HM13: variants seen among roughly 807,000 people sequenced by gnomAD.
The protein encoded by HM13 is signal peptide peptidase.
HM13 carries 18 observed loss-of-function variants against 50.0 expected under a neutral mutation model. The ratio of observed to expected loss-of-function variants is 0.36; its 90% confidence interval spans 0.25 to 0.53. The LOEUF (loss-of-function observed/expected upper bound fraction) is 0.53, where lower values mean the gene tolerates loss of function less well. HM13 is among the 20% of genes least tolerant of loss of function. HM13 has a pLI of 0.90. For synonymous variants in HM13, 197 were observed against 232.6 expected, an observed-to-expected ratio of 0.85 and a Z score of 1.39; for missense variants, 393 against 552.4, an observed-to-expected ratio of 0.71 and a Z score of 2.89.
rs114337223 is a variant in HM13, at chr20:31,561,535, C to T, written c.846-99C>T. 99 of 825,580 alleles carry T rather than the reference C, an allele frequency of 1.2e-4. No homozygotes were observed. In the East Asian group the frequency reaches 2.0e-3, roughly 17 times the overall value. 51.1% of individuals were successfully genotyped at this position (825,580 alleles called of 1,614,324 possible). A position where few individuals can be genotyped will look rare whatever the true frequency, so the allele number is the denominator to read the frequency against. On this transcript the variant is annotated intron_variant, in intron 9 of 12. Coordinates refer to ENST00000398174, the MANE Select transcript of HM13 (RefSeq NM_178581.3). Reference sequence around the variant, plus strand: ...CCAGCCCAGAGCTCAGTCACCCCCCCACAACCTCTAGGGTCTTCCCCAGCT... The same window carrying T: ...CCAGCCCAGAGCTCAGTCACCCCCCTACAACCTCTAGGGTCTTCCCCAGCT...
At chr20:31,523,235 G>A (rs1196289586) in intron 1 of HM13, among the ~76,000 whole-genome samples, 1 of 151,322 alleles carries the variant, frequency 6.6e-6, no homozygotes, top group Non-Finnish European at 1.5e-5. Flanking sequence ...ATTTTTAGTA[G>A]AGACGGGGTT....
At position 31,566,036 on chromosome 20, in the gene HM13, G is replaced by A. The variant is rs1413738529; in HGVS notation, c.949-174G>A. 6 of 504,636 alleles carry A rather than the reference G, an allele frequency of 1.2e-5. No individual in the cohort carries two copies. In the East Asian group the frequency reaches 1.3e-4, roughly 11 times the overall value. 31.3% of individuals were successfully genotyped at this position (504,636 alleles called of 1,614,324 possible). A position where few individuals can be genotyped will look rare whatever the true frequency, so the allele number is the denominator to read the frequency against. ...TTTCTTGCATTCCCTCTCGGGAGGAGCAACCCTTGTCTGGGAGTTAGGAGC... is the reference window on the plus strand; with the variant it reads ...TTTCTTGCATTCCCTCTCGGGAGGAACAACCCTTGTCTGGGAGTTAGGAGC... On this transcript the variant is annotated intron_variant, in intron 10 of 12. Coordinates refer to ENST00000398174, the MANE Select transcript of HM13 (RefSeq NM_178581.3).
intron 11 of HM13, 121 bp from the exon 12 acceptor site, chr20:31,567,957 G>A (rs2122676050): frequency 1.1e-6 from 1 of 879,542 alleles, no homozygotes; most frequent in East Asian, 2.9e-5. Flanking sequence ...ATCTGGAAGT[G>A]CAAAAATAGG....
intron 4 of HM13, chr20:31,547,575 C>T: frequency 2.3e-6 from 3 of 1,312,568 alleles, no homozygotes; most frequent in Middle Eastern, 2.0e-4. Flanking sequence ...TTATTAAGGG[C>T]ATTAAGAGCC....
At chr20:31,566,497 GGAGC>G (rs1568802280) in intron 11 of HM13, among the ~76,000 whole-genome samples, 1 of 152,022 alleles carries the variant, frequency 6.6e-6, no homozygotes, top group Non-Finnish European at 1.5e-5. Context: ...AGGAGCCAGG[GGAGC>G]GCAAGGCATC....
At chr20:31,566,357 G>C in intron 11 of HM13, 62 bp downstream of exon 11, 2 of 1,327,248 alleles carry the variant, frequency 1.5e-6, no homozygotes, top group Non-Finnish European at 1.1e-6. Context: ...GCAGTCAGTG[G>C]AACCTGCTGG....
At chr20:31,534,363 AGAGGACAGAAGGAAGGAAGGAGAGGG>A (rs1272430278) in intron 2 of HM13, among the ~76,000 whole-genome samples, 3 of 152,084 alleles carry the variant, frequency 2.0e-5, no homozygotes, top group Non-Finnish European at 4.4e-5. Flanking sequence ...GAGAAGGGGG[AGAGGACAGAAGGAAGGAAGGAGAGGG>A]GAGGACCCCT....
intron 7 of HM13, among the ~76,000 whole-genome samples, chr20:31,553,459 G>C (rs376873010): frequency 6.6e-6 from 1 of 152,162 alleles, no homozygotes; most frequent in African/African-American, 2.4e-5. Flanking sequence ...AAGGCATGAG[G>C]TAGCAGTTAA....
chr20:31,541,397 C>T (rs956862785), intron 3 of HM13: 1 of 151,452 alleles, frequency 6.6e-6, no homozygotes, highest in Non-Finnish European at 1.5e-5. Flanking sequence ...GGGATGATCG[C>T]GTGAACCTGG....
At chr20:31,544,025 GGCAAA>G (rs1167221801) in intron 3 of HM13, among the ~76,000 whole-genome samples, 5 of 152,208 alleles carry the variant, frequency 3.3e-5, no homozygotes, top group Admixed American at 3.3e-4. Flanking sequence ...CTCCATGCCA[GGCAAA>G]GCATTCATCC....
chr20:31,564,334 T>C (rs1368006847), intron 10 of HM13, among the ~76,000 whole-genome samples: 1 of 152,052 alleles, frequency 6.6e-6, no homozygotes, highest in African/African-American at 2.4e-5. Flanking sequence ...CCCAGCACGT[T>C]GGGAGGCAAA....
chr20:31,565,204 C>T (rs1984838487), intron 10 of HM13, among the ~76,000 whole-genome samples: 1 of 150,678 alleles, frequency 6.6e-6, no homozygotes, highest in African/African-American at 2.4e-5. Flanking sequence ...TTGGGCTGGG[C>T]GTGGTGCCTC....
chr20:31,553,890 G>A (rs575009028), intron 7 of HM13, among the ~76,000 whole-genome samples: 97 of 152,136 alleles, frequency 6.4e-4, no homozygotes, highest in Non-Finnish European at 7.4e-4. Flanking sequence ...CCATACCCCT[G>A]TTATAGTGAG....
rs115497649 is a variant in HM13 at position 31,562,370 on chromosome 20, T to C, written c.948+634T>C. ...TAAGAGCTCCTGTTTGTTAAGCACT[T>C]CCACATGTCAGGCTCTGCACTCATG... On this transcript the variant is annotated intron_variant, in intron 10 of 12. Coordinates refer to ENST00000398174, the MANE Select transcript of HM13 (RefSeq NM_178581.3). 925 of 155,626 alleles carry C rather than the reference T, an allele frequency of 5.9e-3. 6 individuals are homozygous for C. Among genetic ancestry groups the C allele is most frequent in the African/African-American group, 0.02 (850 of 41,584 alleles). 9.6% of individuals were successfully genotyped at this position (155,626 alleles called of 1,614,324 possible). A position where few individuals can be genotyped will look rare whatever the true frequency, so the allele number is the denominator to read the frequency against.
intron 4 of HM13, among the ~76,000 whole-genome samples, chr20:31,545,667 AG>A (rs1407981335): frequency 8.5e-5 from 13 of 152,210 alleles, no homozygotes; most frequent in Non-Finnish European, 1.5e-4. Flanking sequence ...TAGGTTAGTT[AG>A]GGTATGGATT....
chr20:31,558,095 T>C (rs1320117464), intron 8 of HM13, among the ~76,000 whole-genome samples: 2 of 152,246 alleles, frequency 1.3e-5, no homozygotes, highest in African/African-American at 4.8e-5. Context: ...GGTGTGCGTA[T>C]AGCACAGGGA....
At chr20:31,569,098 T>C (rs1416911983) in intron 12 of HM13, 22 bp from the exon 13 acceptor site, 4 of 1,482,006 alleles carry the variant, frequency 2.7e-6, no homozygotes, top group East Asian at 2.4e-5. Flanking sequence ...ATTTTTATTG[T>C]TGTTTTTTTT....
At chr20:31,539,541 A>C (rs1983316120) in intron 3 of HM13, 1 of 981,660 alleles carries the variant, frequency 1.0e-6, no homozygotes, top group African/African-American at 1.8e-5. Flanking sequence ...CATGCCTGTA[A>C]TCCCAGCACT....
chr20:31,548,173 A>G (rs1385528903), intron 4 of HM13: 2 of 737,582 alleles, frequency 2.7e-6, no homozygotes, highest in Non-Finnish European at 4.8e-6. Flanking sequence ...AGTTTAACAG[A>G]TACTTTATAG....
Sources: allele counts gnomAD v4.1 joint callset (sites outside exome capture counted in the v4.1 genomes callset), GRCh38; gene constraint gnomAD v4.1.1; transcripts MANE v1.5; gene names NCBI Gene and HGNC (gene_info 2026-07-23, HGNC 2026-07-21).